RIN2: variants seen among roughly 807,000 people sequenced by gnomAD.
The protein encoded by RIN2 is RAB5 interacting protein 2.
A neutral mutation model predicts 78.0 loss-of-function variants in RIN2; 36 were observed. The ratio of observed to expected loss-of-function variants is 0.46; its 90% CI spans 0.35 to 0.61. The LOEUF (loss-of-function observed/expected upper bound fraction) is 0.61, where lower values mean the gene tolerates loss of function less well. RIN2 is among the 20% of genes least tolerant of loss of function. RIN2 has a pLI of 0.00. For missense variants in RIN2, 1,087 were observed against 1,159.7 expected, an observed-to-expected ratio of 0.94 and a Z score of 0.91; for synonymous variants, 466 against 466.8, an observed-to-expected ratio of 1.00 and a Z score of 0.02.
At chr20:19,979,962 T>G (rs2042392795) in intron 9 of RIN2, among the ~76,000 whole-genome samples, 1 of 146,378 alleles carries the variant, frequency 6.8e-6, no homozygotes, top group Admixed American at 7.1e-5. Context: ...GAGAATCACT[T>G]GAACCCGGGA....
intron 6 of RIN2, 149 bp downstream of exon 6, chr20:19,960,960 G>A: frequency 1.7e-6 from 1 of 603,342 alleles, no homozygotes; most frequent in Non-Finnish European, 3.0e-6. Flanking sequence ...TACTCCAGGA[G>A]CCTCAGTTTT....
At chr20:19,835,993 T>C (rs1338574963) in intron 2 of RIN2, among the ~76,000 whole-genome samples, 1 of 152,178 alleles carries the variant, frequency 6.6e-6, no homozygotes, top group Non-Finnish European at 1.5e-5. Flanking sequence ...GCTGCCTTTG[T>C]TCCTTTGGGG....
intron 1 of RIN2, among the ~76,000 whole-genome samples, chr20:19,782,555 TAAAA>T (rs781338372): frequency 1.5e-5 from 2 of 134,924 alleles, no homozygotes; most frequent in Admixed American, 7.5e-5. Flanking sequence ...GACTCTGTCT[TAAAA>T]AAAAAAAAAA....
chr20:19,855,035 A>C (rs1026563956), intron 2 of RIN2, among the ~76,000 whole-genome samples: 2 of 152,102 alleles, frequency 1.3e-5, no homozygotes, highest in African/African-American at 4.8e-5. Flanking sequence ...AATAGCTCTT[A>C]TTATTTTGAG....
chr20:19,981,466 G>A (rs1307841037), intron 9 of RIN2, among the ~76,000 whole-genome samples: 2 of 152,214 alleles, frequency 1.3e-5, no homozygotes, highest in African/African-American at 4.8e-5. Context: ...AAGGGATGGA[G>A]TAGAATTAAG....
chr20:19,960,731 A>T lies in RIN2; in HGVS notation c.383A>T (p.Gln128Leu). The T allele has an allele frequency of 6.2e-7, 1 of 1,603,804 alleles. No individual in the cohort carries two copies. The highest frequency in any genetic ancestry group is 8.5e-7 in the Non-Finnish European group (1 of 1,175,130). ...CTGGTTCATAAATCTACCAAGATGCAGAAGAAAGTCCTCTCCCTCCGCCTG... is the reference window on the plus strand; with the variant it reads ...CTGGTTCATAAATCTACCAAGATGCTGAAGAAAGTCCTCTCCCTCCGCCTG... ...IFLVHKSTKM[Q>L]KKVLSLRLPC... The change falls in exon 6 of 13, where the codon CAG (glutamine) becomes CTG (leucine). Residue 128 changes from glutamine (Q) to leucine (L), a missense_variant. Gln to Leu is a moderately radical substitution (Grantham distance 113). Coordinates refer to ENST00000255006, the MANE Select transcript of RIN2 (RefSeq NM_018993.4).
At chr20:19,857,976 C>A (rs1421242194) in intron 2 of RIN2, among the ~76,000 whole-genome samples, 3 of 152,126 alleles carry the variant, frequency 2.0e-5, no homozygotes, top group African/African-American at 7.2e-5. Context: ...TATATTCTAG[C>A]CAGAAGTTAT....
At position 19,935,117 on chromosome 20, in the gene RIN2, T is replaced by A. The variant is rs898874476; in HGVS notation, c.76T>A (p.Ser26Thr). The A allele has an allele frequency of 1.8e-5, 29 of 1,600,148 alleles. No homozygotes were observed. Among genetic ancestry groups the A allele is most frequent in the Non-Finnish European group, 2.5e-5 (29 of 1,173,394 alleles). Reference protein sequence around the residue: ...SFFKLIDTIASEIGELKQEMV... With the variant: ...SFFKLIDTIATEIGELKQEMV... ...TGAATAGCTCATTGACACAATTGCC[T>A]CGGAGATCGGAGAACTGAAACAGGA... is the stretch of plus-strand genomic sequence containing the variant. The change falls in exon 4 of 13, where the codon TCG becomes ACG. Residue 26 changes from serine to threonine, a missense_variant. Ser to Thr is a moderately conservative substitution (Grantham distance 58). This residue lies in a region of RIN2 where 706 missense variants were observed against 667.5 expected (regional missense o/e 1.06). Coordinates refer to ENST00000255006, the MANE Select transcript of RIN2 (RefSeq NM_018993.4).
intron 2 of RIN2, among the ~76,000 whole-genome samples, chr20:19,826,382 C>T (rs1025063657): frequency 2.6e-5 from 4 of 152,166 alleles, no homozygotes; most frequent in Admixed American, 6.5e-5. Flanking sequence ...AACTAAGGCA[C>T]GGGTAACTAA....
At chr20:19,938,858 T>C (rs552576079) in intron 4 of RIN2, among the ~76,000 whole-genome samples, 66 of 152,312 alleles carry the variant, frequency 4.3e-4, no homozygotes, top group African/African-American at 1.5e-3. Context: ...AATCCTCTCT[T>C]TGAGTCCAGA....
At chr20:19,785,959 AC>A (rs1490660035) in intron 1 of RIN2, among the ~76,000 whole-genome samples, 1 of 152,226 alleles carries the variant, frequency 6.6e-6, no homozygotes, top group African/African-American at 2.4e-5. Context: ...CCTCTGTGTG[AC>A]CACAAGCAGC....
chr20:19,815,290 C>T (rs1480393660), intron 2 of RIN2, among the ~76,000 whole-genome samples: 1 of 152,136 alleles, frequency 6.6e-6, no homozygotes, highest in Non-Finnish European at 1.5e-5. Flanking sequence ...AAGAATTCTG[C>T]TTACAAAGGT....
intron 2 of RIN2, chr20:19,823,842 G>A (rs947093137): frequency 1.2e-6 from 2 of 1,606,596 alleles, no homozygotes; most frequent in African/African-American, 2.7e-5. Flanking sequence ...ACAGACCCAG[G>A]GGGCCGATCT....
rs1274205552 is a variant in RIN2, at chr20:19,886,680, C to G, written c.-36-2886C>G. On this transcript the variant is annotated intron_variant, in intron 2 of 12. Coordinates refer to ENST00000255006, the MANE Select transcript of RIN2 (RefSeq NM_018993.4). Reference sequence around the variant, plus strand: ...AAACATCTACTGGACATGTTGGACTCATTTTCTCAAGAATCCACTTTACCC... The same window carrying G: ...AAACATCTACTGGACATGTTGGACTGATTTTCTCAAGAATCCACTTTACCC... 4.0e-6 allele frequency: 6 copies of G among 1,502,564 alleles called. No homozygotes were observed. Among genetic ancestry groups the G allele is most frequent in the Non-Finnish European group, 4.5e-6 (5 of 1,113,416 alleles). The allele number at this position is 1,502,564 out of a possible 1,614,324, so 93.1% of individuals were successfully genotyped here.
intron 2 of RIN2, 192 bp from the exon 3 acceptor site, chr20:19,889,374 G>A (rs907648385): frequency 2.4e-6 from 3 of 1,226,086 alleles, no homozygotes; most frequent in South Asian, 2.7e-5. Flanking sequence ...GCGAGGTGGG[G>A]CAGTCTAGGA....
intron 4 of RIN2, among the ~76,000 whole-genome samples, chr20:19,943,833 C>T (rs1300360128): frequency 6.6e-6 from 1 of 152,178 alleles, no homozygotes; most frequent in African/African-American, 2.4e-5. Flanking sequence ...AAGGTTTCTT[C>T]TGCTCACCTG....
intron 5 of RIN2, 27 bp from the exon 6 acceptor site, chr20:19,960,673 A>G (rs1258603615): frequency 1.4e-6 from 2 of 1,481,420 alleles, no homozygotes; most frequent in African/African-American, 2.8e-5. Flanking sequence ...TATTTCCTAA[A>G]GCTTGTATTT....
At chr20:19,935,456 TTGTC>T in intron 4 of RIN2, 5 of 1,244,750 alleles carry the variant, frequency 4.0e-6, no homozygotes, top group Non-Finnish European at 5.0e-6. Context: ...AAACCTAAAA[TTGTC>T]TGTGCCATAT....
At chr20:19,873,121 A>T (rs12106187) in intron 2 of RIN2, among the ~76,000 whole-genome samples, 41 of 150,554 alleles carry the variant, frequency 2.7e-4, no homozygotes, top group Admixed American at 4.6e-4. Context: ...TATTATTTTT[A>T]TTTTTATTTT....
Sources: gnomAD v4.1 joint callset for allele counts (sites outside exome capture counted in the v4.1 genomes callset) on GRCh38, gnomAD v4.1.1 for gene constraint, gnomAD v4.1.1 regional missense constraint, MANE v1.5 for transcripts, NCBI Gene and HGNC (gene_info 2026-07-23, HGNC 2026-07-21) for gene names.